SORCS3: variants seen among roughly 807,000 people sequenced by gnomAD.
SORCS3 encodes the protein VPS10 domain-containing receptor SorCS3.
In SORCS3, 57 loss-of-function variants were observed where a neutral mutation model predicts 146.3. The ratio of observed to expected loss-of-function variants is 0.39; its 90% CI spans 0.31 to 0.49. The LOEUF (loss-of-function observed/expected upper bound fraction) is 0.49, where lower values mean the gene tolerates loss of function less well. Ranked by LOEUF, SORCS3 falls within the 20% of genes least tolerant of loss-of-function variation. The pLI is 0.92. For missense variants in SORCS3, 1,341 were observed against 1,575.5 expected, an observed-to-expected ratio of 0.85 and a Z score of 2.52; for synonymous variants, 653 against 618.5, an observed-to-expected ratio of 1.06 and a Z score of -0.83.
chr10:105,175,191 G>T (rs1310759932), intron 13 of SORCS3, among the ~76,000 whole-genome samples: 1 of 151,766 alleles, frequency 6.6e-6, no homozygotes, highest in South Asian at 2.1e-4. Context: ...GGGATTACAG[G>T]CATGCGCCAT....
At chr10:105,213,584 G>T (rs1327573855) in intron 17 of SORCS3, among the ~76,000 whole-genome samples, 1 of 152,176 alleles carries the variant, frequency 6.6e-6, no homozygotes, top group Non-Finnish European at 1.5e-5. Flanking sequence ...AGATGGTCAT[G>T]TGCCTGGAAA....
chr10:105,176,265 C>T (rs1320072998), intron 13 of SORCS3, among the ~76,000 whole-genome samples: 1 of 152,056 alleles, frequency 6.6e-6, no homozygotes, highest in African/African-American at 2.4e-5. Flanking sequence ...CCAGGTTAGG[C>T]TGGGCATGGT....
chr10:105,231,856 T>C (rs2056767753), intron 20 of SORCS3, among the ~76,000 whole-genome samples: 1 of 152,154 alleles, frequency 6.6e-6, no homozygotes, highest in Non-Finnish European at 1.5e-5. Context: ...TAAATTCTCA[T>C]AGTGGTTATG....
At chr10:104,732,187 G>A (rs2016713774) in intron 1 of SORCS3, among the ~76,000 whole-genome samples, 1 of 152,196 alleles carries the variant, frequency 6.6e-6, no homozygotes, top group Non-Finnish European at 1.5e-5. Context: ...TCCATCTTGA[G>A]TGCTTATTGG....
intron 1 of SORCS3, among the ~76,000 whole-genome samples, chr10:104,770,668 A>AATAT (rs201186042): frequency 4.0e-5 from 6 of 150,454 alleles, no homozygotes; most frequent in Non-Finnish European, 7.4e-5. Flanking sequence ...AAAAAAATAA[A>AATAT]ATATATATAT....
intron 2 of SORCS3, among the ~76,000 whole-genome samples, chr10:104,858,707 T>C (rs1158775837): frequency 2.0e-5 from 3 of 150,916 alleles, no homozygotes; most frequent in South Asian, 4.2e-4. Context: ...CTGAAAGCTC[T>C]GCCTCCCGGG....
intron 24 of SORCS3, 26 bp downstream of exon 24, chr10:105,255,827 A>G: frequency 6.5e-7 from 1 of 1,530,822 alleles, no homozygotes. Context: ...AACTGGGGAA[A>G]TGGGAAAGAG....
chr10:104,913,276 G>A (rs556177804), intron 2 of SORCS3, among the ~76,000 whole-genome samples: 6 of 152,146 alleles, frequency 3.9e-5, no homozygotes, highest in South Asian at 2.1e-4. Flanking sequence ...TTGGGGGATC[G>A]TTGAAACATG....
At chr10:105,175,488 A>G (rs2056394381) in intron 13 of SORCS3, among the ~76,000 whole-genome samples, 1 of 152,178 alleles carries the variant, frequency 6.6e-6, no homozygotes, top group Non-Finnish European at 1.5e-5. Flanking sequence ...AAAAAACCCA[A>G]CTAATACTTT....
intron 13 of SORCS3, among the ~76,000 whole-genome samples, chr10:105,173,770 G>A (rs1000890036): frequency 2.0e-5 from 3 of 152,104 alleles, no homozygotes; most frequent in African/African-American, 7.2e-5. Flanking sequence ...CTAAGCTACA[G>A]CCACTGACCA....
intron 2 of SORCS3, among the ~76,000 whole-genome samples, chr10:104,849,040 G>A (rs1469268124): frequency 1.3e-5 from 2 of 152,132 alleles, no homozygotes; most frequent in African/African-American, 4.8e-5. Context: ...GGAGAAGAGA[G>A]CAATATGGCA....
chr10:104,975,739 C>G (rs956167815), intron 3 of SORCS3, among the ~76,000 whole-genome samples: 1 of 152,064 alleles, frequency 6.6e-6, no homozygotes, highest in Non-Finnish European at 1.5e-5. Context: ...CAGAACAGAG[C>G]CCTCAGAAAT....
intron 3 of SORCS3, among the ~76,000 whole-genome samples, chr10:104,969,458 C>A (rs1375430317): frequency 2.0e-5 from 3 of 151,840 alleles, no homozygotes; most frequent in Non-Finnish European, 4.4e-5. Flanking sequence ...ACTCATGATA[C>A]CTATATCACA....
chr10:105,102,941 T>C (rs73350193), intron 6 of SORCS3, among the ~76,000 whole-genome samples: 17,086 of 151,818 alleles, frequency 0.11, 1,061 homozygotes, highest in East Asian at 0.17. Flanking sequence ...AGGCACATGC[T>C]ACCACACCCA....
At chr10:105,239,212 A>G (rs1052353995) in intron 20 of SORCS3, among the ~76,000 whole-genome samples, 5 of 152,148 alleles carry the variant, frequency 3.3e-5, no homozygotes, top group African/African-American at 9.7e-5. Flanking sequence ...AACGTGGTAG[A>G]TCCACAATTA....
chr10:104,684,667 A>G (rs748640282), intron 1 of SORCS3, among the ~76,000 whole-genome samples: 25 of 151,898 alleles, frequency 1.6e-4, no homozygotes, highest in Admixed American at 2.6e-4. Flanking sequence ...AGATATCTCA[A>G]CTGAAGAATG....
At chr10:105,164,630 T>C (rs1250276265) in intron 12 of SORCS3, among the ~76,000 whole-genome samples, 1 of 152,224 alleles carries the variant, frequency 6.6e-6, no homozygotes. Context: ...GCCATATGTA[T>C]GTAACAGGTC....
At chr10:105,073,946 G>A (rs114415494) in intron 5 of SORCS3, among the ~76,000 whole-genome samples, 201 of 152,260 alleles carry the variant, frequency 1.3e-3, no homozygotes, top group African/African-American at 4.7e-3. Context: ...AGTCTCCTGA[G>A]GTTAGGTTGT....
In SORCS3 at chr10:104,693,216, C is replaced by G. The variant is rs148940406; in HGVS notation, c.627+51262C>G. ...CAATCTAGTCTTTTGTTATCCTTCACTTGTGCAGCCAGGAGACAGATTGGC... is the reference window on the plus strand; with the variant it reads ...CAATCTAGTCTTTTGTTATCCTTCAGTTGTGCAGCCAGGAGACAGATTGGC... On this transcript the variant is annotated intron_variant, in intron 1 of 26. Transcript: ENST00000369701. Among the ~76,000 whole-genome samples, 741 of 152,280 alleles carry G rather than the reference C, an allele frequency of 4.9e-3. 5 individuals are homozygous for G. Among genetic ancestry groups the G allele is most frequent in the African/African-American group, 0.017 (694 of 41,556 alleles).
Sources: gnomAD v4.1 joint callset for allele counts (sites outside exome capture counted in the v4.1 genomes callset) on GRCh38, gnomAD v4.1.1 for gene constraint, MANE v1.5 for transcripts, NCBI Gene and HGNC (gene_info 2026-07-23, HGNC 2026-07-21) for gene names.